MAEL: variants seen among roughly 807,000 people sequenced by gnomAD.
The protein encoded by MAEL is protein maelstrom homolog.
A neutral mutation model predicts 62.0 loss-of-function variants in MAEL; 46 were observed. That is an observed-to-expected ratio of 0.74 (90% CI 0.59 to 0.95). MAEL has a LOEUF of 0.95. Ranked by LOEUF, MAEL falls within the 40% of genes least tolerant of loss-of-function variation. The probability of loss-of-function intolerance (pLI) is 0.00; values close to 1 mark genes in which losing one functional copy is unlikely to be tolerated. For missense variants in MAEL, 497 were observed against 526.8 expected, an observed-to-expected ratio of 0.94 and a Z score of 0.55; for synonymous variants, 172 against 175.5, an observed-to-expected ratio of 0.98 and a Z score of 0.16.
At chr1:167,013,735 A>T (rs1365712302) in intron 8 of MAEL, among the ~76,000 whole-genome samples, 1 of 152,108 alleles carries the variant, frequency 6.6e-6, no homozygotes, top group Non-Finnish European at 1.5e-5. Context: ...TACAAAGCCG[A>T]GTGTTCCATA....
chr1:167,004,404 G>A, intron 6 of MAEL, 100 bp downstream of exon 6: 1 of 1,125,564 alleles, frequency 8.9e-7, no homozygotes. Context: ...TCTGTATATT[G>A]TGTGTCTTAA....
intron 5 of MAEL, among the ~76,000 whole-genome samples, chr1:166,999,623 G>A (rs955515139): frequency 6.6e-6 from 1 of 152,206 alleles, no homozygotes; most frequent in African/African-American, 2.4e-5. Flanking sequence ...AAAGATAACT[G>A]ATCAAGGTGG....
rs982868286 is a variant in MAEL at position 167,004,066 on chromosome 1, C to G, written c.524-114C>G. 5 of 850,128 alleles carry G rather than the reference C, an allele frequency of 5.9e-6. No individual in the cohort carries two copies. In the African/African-American group the frequency reaches 8.7e-5, roughly 15 times the overall value. The allele number at this position is 850,128 out of a possible 1,614,324, so 52.7% of individuals were successfully genotyped here. ...TCCTTAACAAAAACGGGGCTTTGTA[C>G]AAGTACTTAACTGTGTGTTACCCAC... On this transcript the variant is annotated intron_variant, in intron 5 of 11. Transcript: ENST00000367872.
chr1:166,987,021 A>AT (rs1663941344), upstream of MAEL, among the ~76,000 whole-genome samples: 1 of 150,586 alleles, frequency 6.6e-6, no homozygotes, highest in African/African-American at 2.4e-5. Context: ...TTTTATGCCA[A>AT]TGTTTTTTAA....
chr1:166,995,640 GT>G (rs1664394166), intron 5 of MAEL, among the ~76,000 whole-genome samples: 1 of 149,822 alleles, frequency 6.7e-6, no homozygotes. Flanking sequence ...ATCCCCAACT[GT>G]TACATCATCT....
At chr1:166,978,942 G>A (rs202097490) in intron 1 of MAEL, among the ~76,000 whole-genome samples, 1 of 152,212 alleles carries the variant, frequency 6.6e-6, no homozygotes, top group East Asian at 1.9e-4. Flanking sequence ...ATTGTATGTG[G>A]TGGGGGGACT....
intron 5 of MAEL, among the ~76,000 whole-genome samples, chr1:166,994,626 A>G (rs549691575): frequency 4.0e-5 from 6 of 151,392 alleles, no homozygotes; most frequent in African/African-American, 1.5e-4. Context: ...TAAAAGTGTC[A>G]GTGCATAGGG....
At chr1:166,989,231 C>G, upstream of MAEL, 1 of 1,321,518 alleles carries the variant, frequency 7.6e-7, no homozygotes, top group Non-Finnish European at 1.0e-6. Context: ...GCGTCGCTTC[C>G]TGATTGGCCG....
chr1:166,976,902 G>T (rs1663605212), intron 1 of MAEL, among the ~76,000 whole-genome samples: 1 of 152,224 alleles, frequency 6.6e-6, no homozygotes, highest in African/African-American at 2.4e-5. Context: ...GCAGAAGCCA[G>T]AAAGTCTAGA....
In MAEL at chr1:167,019,191, G is replaced by A. The variant is rs193006271; in HGVS notation, c.1041+1232G>A. ...GAGGGGGTGCCCCTGGCATTTAGTGGATAAAGGCCAGGAATGCTGTTAAGC... is the reference window on the plus strand; with the variant it reads ...GAGGGGGTGCCCCTGGCATTTAGTGAATAAAGGCCAGGAATGCTGTTAAGC... On this transcript the variant is annotated intron_variant, in intron 10 of 11. Transcript: ENST00000367872. Among the ~76,000 whole-genome samples the A allele has an allele frequency of 9.3e-4, 142 of 152,130 alleles. 3 individuals are homozygous for A. The South Asian group carries it at 0.012, about 13-fold the overall frequency.
chr1:166,976,410 C>T (rs1159643607), intron 1 of MAEL, among the ~76,000 whole-genome samples: 3 of 151,948 alleles, frequency 2.0e-5, no homozygotes, highest in African/African-American at 7.3e-5. Context: ...CATCTTGGGT[C>T]GAGGAAAGGG....
intron 8 of MAEL, among the ~76,000 whole-genome samples, chr1:167,008,532 A>T (rs879698633): frequency 6.6e-6 from 1 of 151,882 alleles, no homozygotes; most frequent in East Asian, 1.9e-4. Context: ...TGTCTTTTTT[A>T]ATTTTTCAAA....
chr1:167,013,910 T>C (rs1248569633), intron 8 of MAEL, among the ~76,000 whole-genome samples: 1 of 152,186 alleles, frequency 6.6e-6, no homozygotes, highest in Non-Finnish European at 1.5e-5. Context: ...AGTTTACTTT[T>C]TTTCATGGGG....
At chr1:166,980,043 G>A (rs1253726903) in intron 1 of MAEL, among the ~76,000 whole-genome samples, 1 of 151,940 alleles carries the variant, frequency 6.6e-6, no homozygotes, top group East Asian at 1.9e-4. Flanking sequence ...TAGAGACAGG[G>A]TCTGACTCTG....
chr1:167,004,891 G>T (rs1052086371), intron 6 of MAEL, among the ~76,000 whole-genome samples, 185 bp from the exon 7 acceptor site: 1 of 152,102 alleles, frequency 6.6e-6, no homozygotes, highest in Non-Finnish European at 1.5e-5. Context: ...AATAGCTGTA[G>T]TCTTTTCTAA....
At position 167,021,141 on chromosome 1, in the gene MAEL, A is replaced by G; in HGVS notation, c.1098A>G (p.Gln366=). ...ATTTCAACTCTTCTAATGAGGAACA[A>G]AGATCAAACACACCCATTGGTAAGC... is the stretch of plus-strand genomic sequence containing the variant. ...FSHFNSSNEE[Q]RSNTPIGDYP... is the part of the protein sequence containing the mutation. Residue 366 remains glutamine, a synonymous_variant, in exon 11 of 12, where the codon CAA becomes CAG. Transcript: ENST00000367872. 1 of 1,612,284 alleles carries G rather than the reference A, an allele frequency of 6.2e-7. No homozygotes were observed. The highest frequency in any genetic ancestry group is 1.1e-5 in the South Asian group (1 of 91,002).
Position 166,993,959 on chromosome 1 carries a change from G to C in MAEL, c.482-69G>C. The stretch of plus-strand genomic sequence containing the variant: ...TTCTGTGTGATAACTTGGTCATCTT[G>C]TAGAGTATTACTGTAGCACTAGAGA... On this transcript the variant is annotated intron_variant, in intron 4 of 11. Transcript: ENST00000367872. 4.2e-6 allele frequency: 5 copies of C among 1,177,876 alleles called. No homozygotes were observed. In the Admixed American group the frequency reaches 1.0e-4, roughly 24 times the overall value. The allele number at this position is 1,177,876 out of a possible 1,614,324, so 73.0% of individuals were successfully genotyped here. A position where few individuals can be genotyped will look rare whatever the true frequency, so the allele number is the denominator to read the frequency against.
In MAEL at chr1:167,014,141, A is replaced by G. The variant is rs141915961; in HGVS notation, c.846-2081A>G. ...CCACAGATTTGTTAAAATGTCTTCT[A>G]TGGAGGCCTCTTCCTGCTTTTTTCC... On this transcript the variant is annotated intron_variant, in intron 8 of 11. Coordinates refer to ENST00000367872, the MANE Select transcript of MAEL (RefSeq NM_032858.3). 7.8e-3 allele frequency among the ~76,000 whole-genome samples: 1,191 copies of G among 152,278 alleles called. 7 individuals are homozygous for G. The highest frequency in any genetic ancestry group is 0.012 in the Non-Finnish European group (850 of 68,012).
intron 5 of MAEL, among the ~76,000 whole-genome samples, chr1:167,001,613 TTGTG>T (rs1195320382): frequency 3.9e-5 from 6 of 152,196 alleles, no homozygotes; most frequent in Non-Finnish European, 7.3e-5. Flanking sequence ...ACCAAAATAT[TTGTG>T]TGACACTTTA....
Sources: allele counts gnomAD v4.1 joint callset (sites outside exome capture counted in the v4.1 genomes callset), GRCh38; gene constraint gnomAD v4.1.1; transcripts MANE v1.5; gene names NCBI Gene and HGNC (gene_info 2026-07-23, HGNC 2026-07-21).